Variants in ATP2B2 observed in about 807,000 individuals in gnomAD.
The protein encoded by ATP2B2 is ATPase plasma membrane Ca2+ transporting 2, also known as plasma membrane calcium-transporting ATPase 2.
Under a neutral mutation model 120.0 loss-of-function variants are expected in ATP2B2, and 15 were observed. The observed-to-expected ratio is 0.12, with a 90% confidence interval of 0.08 to 0.19. ATP2B2 has a LOEUF of 0.19. Among genes scored for constraint, ATP2B2 ranks in the 10% least tolerant of loss-of-function variants. ATP2B2 has a pLI of 1.00. For missense variants in ATP2B2, 1,045 were observed against 1,719.8 expected (o/e 0.61, Z 6.94); for synonymous variants, 694 against 700.3 (o/e 0.99, Z 0.14).
intron 1 of ATP2B2, among the ~76,000 whole-genome samples, chr3:10,646,990 T>C (rs146698909): frequency 1.6e-4 from 25 of 152,238 alleles, no homozygotes. Flanking sequence ...ATGTGATTAA[T>C]TGCCAGGTGA....
chr3:10,359,860 C>A, intron 13 of ATP2B2, 22 bp downstream of exon 13: 1 of 1,614,106 alleles, frequency 6.2e-7, no homozygotes. Flanking sequence ...CCCTCAGCCC[C>A]GGTGCCCTGC....
chr3:10,448,191 G>A (rs1055351060), intron 2 of ATP2B2, among the ~76,000 whole-genome samples: 2 of 152,224 alleles, frequency 1.3e-5, no homozygotes, highest in Non-Finnish European at 1.5e-5. Context: ...TGCCTCCCAG[G>A]TGGTGGTAGA....
chr3:10,488,968 C>T (rs2065834768), intron 1 of ATP2B2, among the ~76,000 whole-genome samples: 2 of 152,222 alleles, frequency 1.3e-5, no homozygotes, highest in African/African-American at 4.8e-5. Flanking sequence ...CTGCGTGATC[C>T]TGGCCCCCAA....
rs150070085 is a variant in ATP2B2, at chr3:10,493,235, C to G, written c.-320+12230G>C. Among the ~76,000 whole-genome samples the G allele has an allele frequency of 2.9e-3, 445 of 151,926 alleles. 6 individuals are homozygous for G. Among genetic ancestry groups the G allele is most frequent in the Non-Finnish European group, 4.9e-3 (334 of 67,992 alleles). On this transcript the variant is annotated intron_variant, in intron 1 of 22. Transcript: ENST00000360273. ...TGCTATTCGAAAACAAGTGCCATGACAGGGAATATAGGTGAGGGGGTGGGG... is the reference window on the plus strand; with the variant it reads ...TGCTATTCGAAAACAAGTGCCATGAGAGGGAATATAGGTGAGGGGGTGGGG...
intron 14 of ATP2B2, among the ~76,000 whole-genome samples, chr3:10,355,823 C>CTG: frequency 3.9e-5 from 1 of 25,428 alleles, no homozygotes; most frequent in Non-Finnish European, 7.6e-5. Flanking sequence ...CCTGTAATCC[C>CTG]AGCACTTTGG....
At chr3:10,564,881 T>C (rs2067978624) in intron 2 of ATP2B2, among the ~76,000 whole-genome samples, 1 of 152,150 alleles carries the variant, frequency 6.6e-6, no homozygotes, top group African/African-American at 2.4e-5. Flanking sequence ...TCTCCCAGAG[T>C]AATTGAGAGT....
intron 1 of ATP2B2, among the ~76,000 whole-genome samples, chr3:10,485,438 C>A (rs150576122): frequency 6.6e-6 from 1 of 152,136 alleles, no homozygotes; most frequent in Non-Finnish European, 1.5e-5. Flanking sequence ...TGGGGGATTG[C>A]GGGAGCTCAG....
intron 14 of ATP2B2, among the ~76,000 whole-genome samples, chr3:10,356,738 G>A (rs1018224834): frequency 6.6e-6 from 1 of 152,194 alleles, no homozygotes; most frequent in Non-Finnish European, 1.5e-5. Context: ...TCAGTAACGA[G>A]ATAACACATC....
chr3:10,335,469 TG>T (rs56186025), intron 22 of ATP2B2, among the ~76,000 whole-genome samples: 152,318 of 152,318 alleles, frequency 1, 76,159 homozygotes, highest in Non-Finnish European at 1. Context: ...CTAGGTGGCC[TG>T]GGGATCCCTG....
chr3:10,702,618 G>T (rs2071835197), intron 1 of ATP2B2, among the ~76,000 whole-genome samples: 3 of 152,200 alleles, frequency 2.0e-5, no homozygotes, highest in Admixed American at 2.0e-4. Flanking sequence ...GACCTGTTCA[G>T]CCTTTCCAGG....
intron 12 of ATP2B2, among the ~76,000 whole-genome samples, chr3:10,364,651 C>A (rs113019274): frequency 0.019 from 2,914 of 152,146 alleles, 78 homozygotes; most frequent in African/African-American, 0.06. Context: ...GCGGAGGTTG[C>A]AGTGAGCCAA....
chr3:10,585,591 A>G (rs1157208382), intron 2 of ATP2B2, among the ~76,000 whole-genome samples: 2 of 146,030 alleles, frequency 1.4e-5, no homozygotes, highest in East Asian at 4.2e-4. Flanking sequence ...CCTGTGCCTC[A>G]CCTTCCCTAG....
chr3:10,463,528 C>G (rs1217594117), intron 1 of ATP2B2, among the ~76,000 whole-genome samples: 1 of 152,224 alleles, frequency 6.6e-6, no homozygotes, highest in Non-Finnish European at 1.5e-5. Flanking sequence ...CTATTGGTAT[C>G]CCCTTTCACA....
intron 2 of ATP2B2, among the ~76,000 whole-genome samples, chr3:10,602,033 A>C (rs1449898160): frequency 6.6e-6 from 1 of 152,226 alleles, no homozygotes; most frequent in Non-Finnish European, 1.5e-5. Context: ...AAGGCCCAGG[A>C]TGTCCTCCCC....
intron 2 of ATP2B2, among the ~76,000 whole-genome samples, chr3:10,555,482 G>C (rs908023495): frequency 9.9e-5 from 15 of 152,248 alleles, no homozygotes; most frequent in African/African-American, 3.4e-4. Context: ...CCCTGTGCAA[G>C]GTCACATTCA....
intron 1 of ATP2B2, among the ~76,000 whole-genome samples, chr3:10,489,357 G>A (rs2065849404): frequency 6.6e-6 from 1 of 152,212 alleles, no homozygotes; most frequent in African/African-American, 2.4e-5. Flanking sequence ...CCCACTGCCT[G>A]GCACACAGTA....
chr3:10,345,011 C>T (rs1487349685), intron 18 of ATP2B2, among the ~76,000 whole-genome samples: 1 of 152,232 alleles, frequency 6.6e-6, no homozygotes, highest in African/African-American at 2.4e-5. Flanking sequence ...CCTGATCCCC[C>T]TTGGGCCCTG....
At chr3:10,634,775 T>C (rs1044929490) in intron 1 of ATP2B2, among the ~76,000 whole-genome samples, 30 of 152,170 alleles carry the variant, frequency 2.0e-4, no homozygotes, top group African/African-American at 6.8e-4. Flanking sequence ...GAAGGACCTT[T>C]ACTCCCCTAA....
Position 10,346,016 on chromosome 3 carries a change from G to A in ATP2B2, c.2511+15C>T. 2 of 1,606,834 alleles carry A rather than the reference G, an allele frequency of 1.2e-6. No individual in the cohort carries two copies. The highest frequency in any genetic ancestry group is 2.2e-5 in the South Asian group (2 of 90,338). The stretch of plus-strand genomic sequence containing the variant: ...CAGCCCCCACCACCCCAGGCCCTCT[G>A]TGGGCCGTTCCTACCATGGCGAAGC... On this transcript the variant is annotated intron_variant, in intron 17 of 22. Coordinates refer to ENST00000360273, the MANE Select transcript of ATP2B2 (RefSeq NM_001001331.4). This position sits in a 1 kb window ranked among gnomAD's most constrained non-coding sequence, Gnocchi z 4.1.
Sources: allele counts gnomAD v4.1 joint callset (sites outside exome capture counted in the v4.1 genomes callset), GRCh38; gene constraint gnomAD v4.1.1; non-coding constraint Gnocchi (gnomAD v3.1); transcripts MANE v1.5; gene names NCBI Gene and HGNC (gene_info 2026-07-23, HGNC 2026-07-21).